Variants in DRC4 observed in about 807,000 individuals in gnomAD.
DRC4 encodes the protein GAS-11.
At chr16:90,022,548 G>C in the DRC4 span, 1 of 600,878 alleles carries the variant, frequency 1.7e-6, no homozygotes, top group Non-Finnish European at 2.6e-6. Context: ...GTTCCTTCCG[G>C]ACGCCCGTCT....
the DRC4 span, among the ~76,000 whole-genome samples, chr16:90,022,399 G>A: frequency 2.0e-5 from 3 of 152,240 alleles, no homozygotes; most frequent in African/African-American, 7.2e-5. Flanking sequence ...AGCACGTGCT[G>A]TGTGCTGTTC....
chr16:90,019,690 C>G, the DRC4 span: 1 of 563,732 alleles, frequency 1.8e-6, no homozygotes, highest in African/African-American at 2.0e-5. This position sits in a 1 kb window ranked among gnomAD's most constrained non-coding sequence, Gnocchi z 6.1. Context: ...TGCGCCCTCC[C>G]GACCCCGGCC....
the DRC4 span, chr16:90,035,976 C>A: frequency 0.81 from 989,180 of 1,226,624 alleles, 401,244 homozygotes; most frequent in East Asian, 1. Flanking sequence ...CGTGGGCAGC[C>A]TTCTTAAAAT....
At chr16:90,019,734 G>A in the DRC4 span, 1 of 656,872 alleles carries the variant, frequency 1.5e-6, no homozygotes, top group South Asian at 1.6e-5. The surrounding 1 kb of genome is among the most constrained non-coding windows in gnomAD (Gnocchi z 6.1). Context: ...TCACTTGGCG[G>A]CCGCGCCCGC....
At chr16:90,038,955 C>T in the DRC4 span, among the ~76,000 whole-genome samples, 1 of 152,216 alleles carries the variant, frequency 6.6e-6, no homozygotes, top group African/African-American at 2.4e-5. Flanking sequence ...TGTTCTCTAA[C>T]CTAATTGAAA....
the DRC4 span, chr16:90,035,638 C>A: frequency 1.2e-6 from 2 of 1,614,206 alleles, no homozygotes; most frequent in Non-Finnish European, 1.7e-6. Context: ...TGCAGAAACA[C>A]ACCGAGGAGA....
At chr16:90,033,202 C>G in the DRC4 span, among the ~76,000 whole-genome samples, 19 of 152,178 alleles carry the variant, frequency 1.2e-4, no homozygotes, top group Non-Finnish European at 1.6e-4. Context: ...GCTGCTGACA[C>G]CTGACACCCA....
the DRC4 span, chr16:90,029,822 C>T: frequency 5.9e-6 from 1 of 170,918 alleles, no homozygotes. Context: ...GGTGGCGCGA[C>T]CTCGGCTCAC....
the DRC4 span, among the ~76,000 whole-genome samples, chr16:90,038,838 A>G: frequency 1.3e-5 from 2 of 152,154 alleles, no homozygotes; most frequent in Non-Finnish European, 2.9e-5. Context: ...TTCAGTTTCA[A>G]AGTTCTGGCC....
At chr16:90,033,796 ACGTGC>A in the DRC4 span, among the ~76,000 whole-genome samples, 1 of 151,910 alleles carries the variant, frequency 6.6e-6, no homozygotes, top group Non-Finnish European at 1.5e-5. Context: ...GACAAAATAA[ACGTGC>A]CAGATACAAC....
At chr16:90,031,570 C>A in the DRC4 span, 4 of 1,443,464 alleles carry the variant, frequency 2.8e-6, no homozygotes, top group Non-Finnish European at 3.7e-6. Flanking sequence ...AGTGAGGGTG[C>A]AGGTGGGACA....
chr16:90,026,626 A>G, the DRC4 span, among the ~76,000 whole-genome samples: 43 of 152,160 alleles, frequency 2.8e-4, no homozygotes, highest in Non-Finnish European at 3.7e-4. Context: ...TCTGTTTTGC[A>G]TCCACAGCAG....
the DRC4 span, among the ~76,000 whole-genome samples, chr16:90,025,481 T>G: frequency 1.9e-4 from 29 of 150,694 alleles, no homozygotes; most frequent in African/African-American, 7.1e-4. Context: ...AAACCCCGTC[T>G]CTACTAAAAA....
chr16:90,037,089 A>T, the DRC4 span: 1 of 731,180 alleles, frequency 1.4e-6, no homozygotes, highest in Non-Finnish European at 2.2e-6. Flanking sequence ...CTGTTTATAC[A>T]TAGAAGACGT....
the DRC4 span, among the ~76,000 whole-genome samples, chr16:90,039,110 G>C: frequency 1.3e-5 from 2 of 152,236 alleles, no homozygotes; most frequent in Admixed American, 1.3e-4. Flanking sequence ...CCTAAGGGAA[G>C]GGCACCTGCA....
chr16:90,020,467 T>C, the DRC4 span, among the ~76,000 whole-genome samples: 1 of 152,160 alleles, frequency 6.6e-6, no homozygotes, highest in South Asian at 2.1e-4. Context: ...CAGAGGGCAG[T>C]CGGTTTGTTT....
At chr16:90,042,358 A>G in the DRC4 span, 3 of 825,644 alleles carry the variant, frequency 3.6e-6, no homozygotes, top group Non-Finnish European at 4.1e-6. Flanking sequence ...CATCCATCAA[A>G]CCAGGCTGCT....
chr16:90,030,873 C>T, the DRC4 span, among the ~76,000 whole-genome samples: 3 of 152,306 alleles, frequency 2.0e-5, no homozygotes, highest in East Asian at 1.9e-4. Context: ...CAACCTCAGC[C>T]TCCCAGAGTG....
At chr16:90,037,728 A>G in the DRC4 span, 8 of 1,587,946 alleles carry the variant, frequency 5.0e-6, no homozygotes, top group Non-Finnish European at 6.9e-6. Flanking sequence ...AATCTTGAAT[A>G]CTTTCTGTCC....
Sources: allele counts gnomAD v4.1 joint callset (sites outside exome capture counted in the v4.1 genomes callset), GRCh38; gene constraint gnomAD v4.1.1; non-coding constraint Gnocchi (gnomAD v3.1); transcripts MANE v1.5; gene names NCBI Gene and HGNC (gene_info 2026-07-23, HGNC 2026-07-21).